The following PDE10A variants were observed in gnomAD, a reference collection of about 807,000 sequenced individuals.
PDE10A encodes phosphodiesterase 10A.
PDE10A carries 39 observed loss-of-function variants against 97.7 expected under a neutral mutation model. The ratio of observed to expected loss-of-function variants is 0.40; its 90% CI spans 0.31 to 0.52. The LOEUF (loss-of-function observed/expected upper bound fraction) is 0.52, where lower values mean the gene tolerates loss of function less well. PDE10A is among the 20% of genes least tolerant of loss of function. PDE10A has a pLI of 0.56. For synonymous variants in PDE10A, 371 were observed against 376.8 expected (o/e 0.98, Z 0.18); for missense variants, 731 against 1,047.8 (o/e 0.70, Z 4.17).
At chr6:165,875,141 G>A (rs1781298716) in intron 1 of PDE10A, among the ~76,000 whole-genome samples, 1 of 152,184 alleles carries the variant, frequency 6.6e-6, no homozygotes, top group African/African-American at 2.4e-5. Flanking sequence ...TCATCTTTTA[G>A]TAAATAAATC....
chr6:165,421,949 C>A (rs1488129631), intron 10 of PDE10A, among the ~76,000 whole-genome samples: 2 of 152,084 alleles, frequency 1.3e-5, no homozygotes, highest in African/African-American at 2.4e-5. Context: ...GTTGTCCCAG[C>A]TACTTTTGGA....
intron 1 of PDE10A, among the ~76,000 whole-genome samples, chr6:165,883,539 C>CA (rs1216515740): frequency 0.042 from 2,443 of 58,774 alleles, 48 homozygotes; most frequent in East Asian, 0.12. Context: ...GACTCCGTCT[C>CA]AAAAAAAAAA....
At chr6:165,843,077 C>T (rs981853600) in intron 1 of PDE10A, among the ~76,000 whole-genome samples, 5 of 152,206 alleles carry the variant, frequency 3.3e-5, no homozygotes, top group African/African-American at 1.2e-4. Flanking sequence ...CTGTGCTCAG[C>T]CCACCTGACA....
In PDE10A at chr6:165,945,593, C is replaced by T. The variant is rs200246878; in HGVS notation, c.-615+41936G>A. On this transcript the variant is annotated intron_variant, in intron 1 of 19. Coordinates refer to the PDE10A transcript ENST00000366882. ...CCCTTATAAAAGAAACCCCGTTGAG[C>T]TTGTTTGCCCATTCCACCATGTGAA... Among the ~76,000 whole-genome samples, 6 of 152,282 alleles carry T rather than the reference C, an allele frequency of 3.9e-5. No homozygotes were observed. The East Asian group carries it at 9.7e-4, about 25-fold the overall frequency.
intron 1 of PDE10A, among the ~76,000 whole-genome samples, chr6:165,707,141 C>A (rs1033720108): frequency 6.6e-6 from 1 of 152,140 alleles, no homozygotes; most frequent in Non-Finnish European, 1.5e-5. Flanking sequence ...CCTATTTGAC[C>A]CTCAAAGTAG....
At chr6:165,860,197 T>C (rs2128476511) in intron 1 of PDE10A, among the ~76,000 whole-genome samples, 1 of 152,284 alleles carries the variant, frequency 6.6e-6, no homozygotes, top group East Asian at 1.9e-4. Context: ...CTCACGCCTG[T>C]AATCCCAGCA....
At chr6:165,729,452 T>C (rs1028959010) in intron 1 of PDE10A, among the ~76,000 whole-genome samples, 1 of 152,156 alleles carries the variant, frequency 6.6e-6, no homozygotes, top group Non-Finnish European at 1.5e-5. Flanking sequence ...TATTGGGAGA[T>C]ACTAAGGACA....
At chr6:165,566,332 T>C (rs561140292) in intron 1 of PDE10A, among the ~76,000 whole-genome samples, 3 of 152,300 alleles carry the variant, frequency 2.0e-5, no homozygotes, top group South Asian at 2.1e-4. Flanking sequence ...CTCTACATTA[T>C]ATATCATGAG....
intron 1 of PDE10A, among the ~76,000 whole-genome samples, chr6:165,893,753 T>C (rs1781864516): frequency 6.6e-6 from 1 of 152,128 alleles, no homozygotes; most frequent in Admixed American, 6.5e-5. Context: ...ATAAAGGTTT[T>C]GAGTGGGATT....
At chr6:165,568,483 G>A (rs1013614133) in intron 1 of PDE10A, among the ~76,000 whole-genome samples, 1 of 152,064 alleles carries the variant, frequency 6.6e-6, no homozygotes, top group Non-Finnish European at 1.5e-5. Flanking sequence ...ATCTCACATG[G>A]TACAGCTCAG....
chr6:165,397,020 G>A (rs187046837), intron 13 of PDE10A, among the ~76,000 whole-genome samples: 1 of 152,142 alleles, frequency 6.6e-6, no homozygotes, highest in Non-Finnish European at 1.5e-5. Flanking sequence ...GAACTCAAAT[G>A]AGTAACACAG....
chr6:165,961,997 T>A (rs539202412), intron 1 of PDE10A, among the ~76,000 whole-genome samples: 20 of 152,276 alleles, frequency 1.3e-4, no homozygotes, highest in Admixed American at 6.5e-4. Context: ...TAATTTCAAA[T>A]CCTTACAGCT....
At chr6:165,540,194 G>C (rs997384547) in intron 2 of PDE10A, among the ~76,000 whole-genome samples, 1 of 152,074 alleles carries the variant, frequency 6.6e-6, no homozygotes, top group African/African-American at 2.4e-5. Flanking sequence ...TGATTCTATC[G>C]AGATTCAGAT....
intron 1 of PDE10A, among the ~76,000 whole-genome samples, chr6:165,692,502 G>A (rs1052903458): frequency 6.6e-6 from 1 of 152,304 alleles, no homozygotes; most frequent in East Asian, 1.9e-4. Flanking sequence ...GGCCCAGGAA[G>A]CCTGTCTGTC....
Position 165,668,985 on chromosome 6 carries a change from G to A in PDE10A, c.-614-125417C>T, listed in dbSNP as rs965848861. Among the ~76,000 whole-genome samples, 7 of 152,308 alleles carry A rather than the reference G, an allele frequency of 4.6e-5. No individual in the cohort carries two copies. The East Asian group carries it at 5.8e-4, about 13-fold the overall frequency. On this transcript the variant is annotated intron_variant, in intron 1 of 19. Coordinates refer to the PDE10A transcript ENST00000366882. ...ATGCAGGGATCAGGCCTCCTCAGCC[G>A]CTGATGCCTCATGATAGAAGCACCG...
intron 1 of PDE10A, among the ~76,000 whole-genome samples, chr6:165,615,755 C>T (rs957490980): frequency 1.3e-5 from 2 of 152,138 alleles, no homozygotes; most frequent in African/African-American, 4.8e-5. Flanking sequence ...TGTCTTTTCA[C>T]ACTCCCGCTG....
At chr6:165,860,589 C>T (rs908600932) in intron 1 of PDE10A, among the ~76,000 whole-genome samples, 6 of 152,232 alleles carry the variant, frequency 3.9e-5, no homozygotes, top group South Asian at 2.1e-4. Context: ...AGAACACTCA[C>T]AGTTTTCACT....
At chr6:165,679,584 C>T (rs112904420) in intron 1 of PDE10A, among the ~76,000 whole-genome samples, 12 of 152,142 alleles carry the variant, frequency 7.9e-5, no homozygotes, top group African/African-American at 2.7e-4. Context: ...ACAGGAACGC[C>T]GGGAAGCACC....
intron 2 of PDE10A, 83 bp downstream of exon 2, chr6:165,543,357 C>T: frequency 1.8e-6 from 2 of 1,093,754 alleles, no homozygotes; most frequent in Admixed American, 2.7e-5. Context: ...TTATATTTCA[C>T]ACTCTAGAAT....
Sources: gnomAD v4.1 joint callset for allele counts (sites outside exome capture counted in the v4.1 genomes callset) on GRCh38, gnomAD v4.1.1 for gene constraint, MANE v1.5 for transcripts, NCBI Gene and HGNC (gene_info 2026-07-23, HGNC 2026-07-21) for gene names.